NRG4: variants seen among roughly 807,000 people sequenced by gnomAD.
NRG4 encodes pro-neuregulin-4, membrane-bound isoform.
NRG4 carries 10 observed loss-of-function variants against 15.0 expected under a neutral mutation model. The ratio of observed to expected loss-of-function variants is 0.67; its 90% confidence interval spans 0.41 to 1.13. The LOEUF (loss-of-function observed/expected upper bound fraction) is 1.13, where lower values mean the gene tolerates loss of function less well. Ranked by LOEUF, NRG4 falls within the 50% of genes most tolerant of loss-of-function variation. The probability of loss-of-function intolerance (pLI) is 0.00; values close to 1 mark genes in which losing one functional copy is unlikely to be tolerated. For synonymous variants in NRG4, 41 were observed against 50.1 expected (o/e 0.82, Z 0.77); for missense variants, 139 against 140.2 (o/e 0.99, Z 0.04).
At chr15:76,029,682 T>C (rs1434383591) in intron 5 of NRG4, among the ~76,000 whole-genome samples, 1 of 152,018 alleles carries the variant, frequency 6.6e-6, no homozygotes, top group East Asian at 1.9e-4. Context: ...TTACAATAAC[T>C]ACAAAAACAT....
At position 75,958,264 on chromosome 15, in the gene NRG4, G is replaced by A. The variant is rs1176657241; in HGVS notation, c.252-2253C>T. Among the ~76,000 whole-genome samples, 7 of 151,984 alleles carry A rather than the reference G, an allele frequency of 4.6e-5. No homozygotes were observed. The East Asian group carries it at 7.7e-4, about 17-fold the overall frequency. On this transcript the variant is annotated intron_variant, in intron 4 of 5. Coordinates refer to ENST00000394907, the MANE Select transcript of NRG4 (RefSeq NM_138573.4). ...CCTGACCTTGTGATCCGCCCTCCTC[G>A]GCCTCCCAAAGTGCTGGGATTACAG...
At chr15:76,002,393 A>G (rs2034446398) in intron 3 of NRG4, among the ~76,000 whole-genome samples, 1 of 152,206 alleles carries the variant, frequency 6.6e-6, no homozygotes, top group Non-Finnish European at 1.5e-5. Flanking sequence ...TAAATAGCCA[A>G]TAAAAGGGCA....
At chr15:76,043,480 T>G (rs1219648786) in intron 4 of NRG4, among the ~76,000 whole-genome samples, 1 of 152,148 alleles carries the variant, frequency 6.6e-6, no homozygotes, top group East Asian at 1.9e-4. Flanking sequence ...AAACAAACAT[T>G]AGTAGCATTT....
intron 3 of NRG4, among the ~76,000 whole-genome samples, chr15:76,005,983 A>G (rs904863969): frequency 6.6e-6 from 1 of 152,186 alleles, no homozygotes; most frequent in Non-Finnish European, 1.5e-5. Context: ...GTAAGGTATT[A>G]TTTCATGAGT....
intron 3 of NRG4, among the ~76,000 whole-genome samples, chr15:75,976,283 G>A (rs529016410): frequency 6.6e-6 from 1 of 152,222 alleles, no homozygotes; most frequent in Non-Finnish European, 1.5e-5. Context: ...GTTAGAACAT[G>A]CTCGTTTAGC....
downstream of NRG4, chr15:75,939,398 A>G (rs2030707074): frequency 6.6e-6 from 1 of 152,194 alleles, no homozygotes; most frequent in Admixed American, 6.5e-5. Flanking sequence ...ATAGAACTAT[A>G]ACCAGTAAGG....
At chr15:75,985,065 G>A (rs546610855) in intron 3 of NRG4, among the ~76,000 whole-genome samples, 34 of 152,092 alleles carry the variant, frequency 2.2e-4, no homozygotes, top group South Asian at 1.0e-3. Context: ...GGCTGGTCTC[G>A]AACTCCTGAC....
rs1198049372 is a variant in NRG4 at position 75,942,628 on chromosome 15, C to G, written c.*1010G>C. On this transcript the variant is annotated 3_prime_UTR_variant, in exon 6 of 6. Transcript: ENST00000394907. ...TGACACTAGTGACCCACTGAATTCA[C>G]AGCACTTACACTGGGCCAGACTGTG... 6.6e-6 allele frequency: 1 copy of G among 152,210 alleles called. No homozygotes were observed. The highest frequency in any genetic ancestry group is 2.4e-5 in the African/African-American group (1 of 41,448). The allele number at this position is 152,210 out of a possible 1,614,324, so 9.4% of individuals were successfully genotyped here. A position where few individuals can be genotyped will look rare whatever the true frequency, so the allele number is the denominator to read the frequency against.
chr15:75,997,121 T>G (rs901853569), intron 3 of NRG4, among the ~76,000 whole-genome samples: 1 of 152,150 alleles, frequency 6.6e-6, no homozygotes, highest in Non-Finnish European at 1.5e-5. Flanking sequence ...GAAAAAAATA[T>G]GTAAACTAAA....
At chr15:76,023,399 C>A (rs1567116371) in intron 5 of NRG4, among the ~76,000 whole-genome samples, 1 of 152,184 alleles carries the variant, frequency 6.6e-6, no homozygotes, top group Non-Finnish European at 1.5e-5. Context: ...GAGACTTTCC[C>A]TTTCAGGAAA....
At chr15:75,937,917 C>A (rs577590833), downstream of NRG4, 1 of 152,234 alleles carries the variant, frequency 6.6e-6, no homozygotes, top group East Asian at 1.9e-4. Flanking sequence ...AATAGAACAA[C>A]TAAGGCCCAG....
At chr15:76,029,337 C>A (rs968445348) in intron 5 of NRG4, among the ~76,000 whole-genome samples, 1 of 152,070 alleles carries the variant, frequency 6.6e-6, no homozygotes. Context: ...AAACCCACAG[C>A]TAACATCATA....
At chr15:75,999,075 G>T (rs1412168251) in intron 3 of NRG4, among the ~76,000 whole-genome samples, 1 of 152,174 alleles carries the variant, frequency 6.6e-6, no homozygotes, top group Non-Finnish European at 1.5e-5. Flanking sequence ...ACGGAGTCCA[G>T]TAAGAATTAA....
intron 1 of NRG4, among the ~76,000 whole-genome samples, chr15:76,057,800 G>C (rs2036188413): frequency 6.6e-6 from 1 of 150,588 alleles, no homozygotes; most frequent in African/African-American, 2.4e-5. Flanking sequence ...CAATACAATG[G>C]CTATTATATT....
intron 5 of NRG4, among the ~76,000 whole-genome samples, chr15:75,945,398 C>T (rs1215450396): frequency 6.6e-6 from 1 of 151,872 alleles, no homozygotes. Flanking sequence ...TTACAGGCGC[C>T]CGCCACTATG....
chr15:75,948,678 C>T (rs1216232343), intron 5 of NRG4, among the ~76,000 whole-genome samples: 2 of 152,122 alleles, frequency 1.3e-5, no homozygotes, highest in Non-Finnish European at 2.9e-5. Flanking sequence ...GTTTTCTCAG[C>T]ACCACTTATT....
At chr15:76,045,414 G>C (rs2035847186) in intron 4 of NRG4, among the ~76,000 whole-genome samples, 1 of 150,914 alleles carries the variant, frequency 6.6e-6, no homozygotes, top group Non-Finnish European at 1.5e-5. Context: ...CCCAGCAATT[G>C]CACTCTGAGA....
chr15:76,021,609 T>C (rs2035157527), intron 5 of NRG4, among the ~76,000 whole-genome samples: 1 of 152,212 alleles, frequency 6.6e-6, no homozygotes, highest in Non-Finnish European at 1.5e-5. Flanking sequence ...AATCAGTATC[T>C]TTTATTATTT....
chr15:76,010,585 G>T (rs2034774159), intron 2 of NRG4, among the ~76,000 whole-genome samples: 1 of 152,038 alleles, frequency 6.6e-6, no homozygotes, highest in Non-Finnish European at 1.5e-5. Flanking sequence ...CAGAACTACA[G>T]AGAACTGGTG....
Sources: allele counts gnomAD v4.1 joint callset (sites outside exome capture counted in the v4.1 genomes callset), GRCh38; gene constraint gnomAD v4.1.1; transcripts MANE v1.5; gene names NCBI Gene and HGNC (gene_info 2026-07-23, HGNC 2026-07-21).